The following GRM3 variants were observed in gnomAD, a reference collection of about 807,000 sequenced individuals.
GRM3 encodes glutamate metabotropic receptor 3.
GRM3 carries 26 observed loss-of-function variants against 70.5 expected under a neutral mutation model. That is an observed-to-expected ratio of 0.37 (90% CI 0.27 to 0.51). The LOEUF is 0.51. GRM3 is among the 20% of genes least tolerant of loss of function. The probability of loss-of-function intolerance (pLI) is 0.93; values close to 1 mark genes in which losing one functional copy is unlikely to be tolerated. For missense variants in GRM3, 859 were observed against 1,123.8 expected (o/e 0.76, Z 3.37); for synonymous variants, 443 against 434.9 (o/e 1.02, Z -0.23).
chr7:86,661,986 T>C (rs1793906013), intron 1 of GRM3, among the ~76,000 whole-genome samples: 1 of 151,932 alleles, frequency 6.6e-6, no homozygotes, highest in Non-Finnish European at 1.5e-5. Context: ...AAAAACCTAC[T>C]CATATTTATG....
At chr7:86,760,714 T>C (rs1368332520) in intron 1 of GRM3, among the ~76,000 whole-genome samples, 5 of 152,102 alleles carry the variant, frequency 3.3e-5, no homozygotes, top group African/African-American at 7.2e-5. Flanking sequence ...TGATTATGCA[T>C]AGTGCTACAG....
intron 3 of GRM3, among the ~76,000 whole-genome samples, chr7:86,834,272 T>C (rs1429401165): frequency 6.6e-6 from 1 of 152,212 alleles, no homozygotes; most frequent in East Asian, 1.9e-4. Flanking sequence ...ATGTTTACTC[T>C]CCATTTTCTC....
chr7:86,681,001 G>A (rs922470924), intron 1 of GRM3, among the ~76,000 whole-genome samples: 2 of 152,026 alleles, frequency 1.3e-5, no homozygotes, highest in Admixed American at 1.3e-4. Flanking sequence ...ATAGTTCAAT[G>A]TTCACATATA....
At chr7:86,732,317 A>G (rs1795752806) in intron 1 of GRM3, among the ~76,000 whole-genome samples, 1 of 152,214 alleles carries the variant, frequency 6.6e-6, no homozygotes, top group East Asian at 1.9e-4. Flanking sequence ...TAAGGCCTGT[A>G]TTATCAGGAC....
intron 1 of GRM3, among the ~76,000 whole-genome samples, chr7:86,705,620 A>T (rs1023039724): frequency 6.6e-6 from 1 of 152,064 alleles, no homozygotes; most frequent in African/African-American, 2.4e-5. Context: ...ATCTGGCATT[A>T]AAAAGAGCAC....
At chr7:86,675,819 CAG>C (rs1434093219) in intron 1 of GRM3, among the ~76,000 whole-genome samples, 1 of 151,668 alleles carries the variant, frequency 6.6e-6, no homozygotes, top group African/African-American at 2.4e-5. Flanking sequence ...TCAAATGTCT[CAG>C]AATTTTTTTC....
intron 1 of GRM3, among the ~76,000 whole-genome samples, chr7:86,748,977 T>C (rs192311098): frequency 1.7e-3 from 259 of 152,168 alleles, no homozygotes; most frequent in Middle Eastern, 3.4e-3. Flanking sequence ...CCAAAGATCA[T>C]TCAAAACACA....
intron 3 of GRM3, among the ~76,000 whole-genome samples, chr7:86,822,772 T>G (rs1238163240): frequency 6.6e-6 from 1 of 152,130 alleles, no homozygotes; most frequent in Non-Finnish European, 1.5e-5. Flanking sequence ...AAATAAAATT[T>G]GATAGTCCAA....
chr7:86,777,648 C>T (rs1423557975), intron 2 of GRM3, among the ~76,000 whole-genome samples: 1 of 152,120 alleles, frequency 6.6e-6, no homozygotes, highest in African/African-American at 2.4e-5. Context: ...AAATTGTTCC[C>T]AGATGTGCTA....
intron 2 of GRM3, among the ~76,000 whole-genome samples, chr7:86,771,853 C>T (rs1486589406): frequency 6.6e-6 from 1 of 152,050 alleles, no homozygotes; most frequent in East Asian, 1.9e-4. Context: ...TCGAAGCCTT[C>T]CTGGAAAGTT....
At chr7:86,728,393 T>C (rs1386513737) in intron 1 of GRM3, among the ~76,000 whole-genome samples, 4 of 152,158 alleles carry the variant, frequency 2.6e-5, no homozygotes, top group Non-Finnish European at 5.9e-5. Flanking sequence ...CTATTCATAG[T>C]TTTGGACCAT....
intron 2 of GRM3, among the ~76,000 whole-genome samples, chr7:86,782,992 C>T (rs1584239571): frequency 6.6e-6 from 1 of 152,166 alleles, no homozygotes; most frequent in East Asian, 1.9e-4. Context: ...AACAATTTTT[C>T]TTTTATCATT....
At chr7:86,698,539 A>ATATATATATATATATATAT (rs1562829891) in intron 1 of GRM3, among the ~76,000 whole-genome samples, 6 of 139,646 alleles carry the variant, frequency 4.3e-5, no homozygotes, top group African/African-American at 1.8e-4. Flanking sequence ...TATATATATA[A>ATATATATATATATATATAT]AATACACATT....
At chr7:86,856,741 T>C (rs1798857228) in intron 5 of GRM3, among the ~76,000 whole-genome samples, 1 of 152,140 alleles carries the variant, frequency 6.6e-6, no homozygotes, top group Non-Finnish European at 1.5e-5. Context: ...GTTTAGTACC[T>C]CTCCTTTCTT....
chr7:86,829,963 A>G (rs1043166517), intron 3 of GRM3, among the ~76,000 whole-genome samples: 3 of 152,226 alleles, frequency 2.0e-5, no homozygotes, highest in Non-Finnish European at 4.4e-5. Context: ...GCAAAGTACA[A>G]TAAAATGAGC....
intron 2 of GRM3, among the ~76,000 whole-genome samples, chr7:86,776,938 C>A (rs1175711610): frequency 2.0e-5 from 3 of 152,130 alleles, no homozygotes; most frequent in Admixed American, 6.6e-5. Flanking sequence ...CTCCTGAAAA[C>A]TAATGCATGG....
At chr7:86,830,143 G>T (rs1357410066) in intron 3 of GRM3, among the ~76,000 whole-genome samples, 1 of 152,142 alleles carries the variant, frequency 6.6e-6, no homozygotes, top group Non-Finnish European at 1.5e-5. Context: ...GCTTTGTCTG[G>T]TCAGACAGCC....
chr7:86,844,023 A>G (rs1190130196), intron 4 of GRM3, among the ~76,000 whole-genome samples: 1 of 152,118 alleles, frequency 6.6e-6, no homozygotes, highest in African/African-American at 2.4e-5. Flanking sequence ...CTACTAGACT[A>G]AGGACCATAC....
chr7:86,801,983 T>C (rs774899197), intron 3 of GRM3, among the ~76,000 whole-genome samples: 1 of 152,170 alleles, frequency 6.6e-6, no homozygotes, highest in Non-Finnish European at 1.5e-5. Context: ...TGGTCTATCA[T>C]TTTCACCCTG....
Sources: allele counts gnomAD v4.1 joint callset (sites outside exome capture counted in the v4.1 genomes callset), GRCh38; gene constraint gnomAD v4.1.1; transcripts MANE v1.5; gene names NCBI Gene and HGNC (gene_info 2026-07-23, HGNC 2026-07-21).